ZMYM2: variants seen among roughly 807,000 people sequenced by gnomAD.
ZMYM2 encodes the protein zinc finger MYM-type protein 2.
In ZMYM2, 56 loss-of-function variants were observed where a neutral mutation model predicts 162.8. The ratio of observed to expected loss-of-function variants is 0.34; its 90% CI spans 0.28 to 0.43. The LOEUF (loss-of-function observed/expected upper bound fraction) is 0.43. ZMYM2 is among the 20% of genes least tolerant of loss of function. ZMYM2 has a pLI of 1.00. For synonymous variants in ZMYM2, 510 were observed against 541.6 expected, an observed-to-expected ratio of 0.94 and a Z score of 0.81; for missense variants, 1,275 against 1,621.8, an observed-to-expected ratio of 0.79 and a Z score of 3.67.
At chr13:20,031,297 T>G (rs1376605523) in intron 9 of ZMYM2, 22 bp from the exon 10 acceptor site, 5 of 1,529,012 alleles carry the variant, frequency 3.3e-6, no homozygotes, top group Non-Finnish European at 4.5e-6. Flanking sequence ...TCAGGCTTAG[T>G]ATCTTTTGTT....
intron 12 of ZMYM2, among the ~76,000 whole-genome samples, chr13:20,049,974 A>G (rs953377679): frequency 3.9e-5 from 6 of 152,030 alleles, no homozygotes; most frequent in African/African-American, 1.4e-4. Flanking sequence ...GAACAATTCT[A>G]TGGTTATTTC....
chr13:19,895,484 C>T, the ZMYM2 span, among the ~76,000 whole-genome samples: 8 of 151,860 alleles, frequency 5.3e-5, no homozygotes, highest in African/African-American at 1.9e-4. Flanking sequence ...TGAGGGCCTT[C>T]CCGCTGTGGG....
In ZMYM2 at chr13:20,051,253, G is replaced by GCATCTTTTTTTTTTTTTTTTTTT. The variant is rs369364385; in HGVS notation, c.2293-180_2293-179insCATCTTTTTTTTTTTTTTTTTTT. 1.8e-4 allele frequency among the ~76,000 whole-genome samples: 13 copies of GCATCTTTTTTTTTTTTTTTTTTT among 74,210 alleles called. 4 individuals are homozygous for GCATCTTTTTTTTTTTTTTTTTTT. Among genetic ancestry groups the GCATCTTTTTTTTTTTTTTTTTTT allele is most frequent in the South Asian group, 1.3e-3 (2 of 1,574 alleles). The allele number at this position is 74,210 out of a possible 152,430, so 48.7% of individuals were successfully genotyped here. On this transcript the variant is annotated intron_variant, in intron 12 of 24. Coordinates refer to ENST00000610343, the MANE Select transcript of ZMYM2 (RefSeq NM_197968.4). ...GATGGACTTTGTCAACTGTGAAATT[G>GCATCTTTTTTTTTTTTTTTTTTT]TATTTTTTTTTTTTTTTTTCATTTA...
At chr13:19,893,069 A>G in the ZMYM2 span, among the ~76,000 whole-genome samples, 2 of 151,710 alleles carry the variant, frequency 1.3e-5, no homozygotes, top group African/African-American at 2.4e-5. Flanking sequence ...AAATATTTAT[A>G]GTTGTATAGT....
At chr13:19,878,615 G>A in the ZMYM2 span, among the ~76,000 whole-genome samples, 219 of 146,344 alleles carry the variant, frequency 1.5e-3, no homozygotes, top group Middle Eastern at 7.7e-3. Flanking sequence ...TCTGCCTCCC[G>A]GGTTCAAGTG....
chr13:19,998,763 A>G (rs1413508945), intron 3 of ZMYM2, among the ~76,000 whole-genome samples: 1 of 152,200 alleles, frequency 6.6e-6, no homozygotes, highest in Non-Finnish European at 1.5e-5. Context: ...GGTTGATGGA[A>G]TGGGTCAGAA....
At chr13:19,890,302 G>A in the ZMYM2 span, among the ~76,000 whole-genome samples, 1 of 151,518 alleles carries the variant, frequency 6.6e-6, no homozygotes, top group Non-Finnish European at 1.5e-5. Flanking sequence ...GAGTAGCTGG[G>A]ACTACTTGAG....
At chr13:19,866,529 G>A in the ZMYM2 span, among the ~76,000 whole-genome samples, 2 of 151,848 alleles carry the variant, frequency 1.3e-5, no homozygotes, top group African/African-American at 4.8e-5. Flanking sequence ...GCCGGGCGTG[G>A]TGGCGCATGC....
intron 2 of ZMYM2, among the ~76,000 whole-genome samples, chr13:19,987,548 G>A (rs1389253404): frequency 6.8e-6 from 1 of 147,680 alleles, no homozygotes; most frequent in African/African-American, 2.5e-5. Flanking sequence ...CAGGCGTGAG[G>A]CACCGCACCC....
chr13:19,922,845 A>AAAAAC, the ZMYM2 span, among the ~76,000 whole-genome samples: 9 of 152,162 alleles, frequency 5.9e-5, no homozygotes, highest in East Asian at 1.9e-4. Context: ...CTCCGTCTCA[A>AAAAAC]AAAACAAAAC....
At chr13:19,926,471 C>T in the ZMYM2 span, among the ~76,000 whole-genome samples, 1 of 148,952 alleles carries the variant, frequency 6.7e-6, no homozygotes, top group African/African-American at 2.5e-5. Flanking sequence ...TCAAGTGATT[C>T]TCCTGCCTTA....
the ZMYM2 span, among the ~76,000 whole-genome samples, chr13:19,893,471 C>T: frequency 2.0e-5 from 3 of 151,960 alleles, no homozygotes; most frequent in Non-Finnish European, 4.4e-5. Context: ...GGCACGGTGG[C>T]TCACGCCTGT....
chr13:19,886,372 C>G, the ZMYM2 span, among the ~76,000 whole-genome samples: 2 of 151,594 alleles, frequency 1.3e-5, no homozygotes, highest in Non-Finnish European at 1.5e-5. Context: ...CCATGTTGGT[C>G]AGGCTGGTCT....
chr13:20,000,166 A>G (rs1950288670), intron 3 of ZMYM2, among the ~76,000 whole-genome samples: 1 of 152,160 alleles, frequency 6.6e-6, no homozygotes, highest in African/African-American at 2.4e-5. Context: ...ACCAACTATG[A>G]CATTTCCTTA....
At chr13:19,984,465 C>G (rs1261978203) in intron 2 of ZMYM2, among the ~76,000 whole-genome samples, 4 of 152,174 alleles carry the variant, frequency 2.6e-5, no homozygotes, top group Admixed American at 6.5e-5. Flanking sequence ...AAGTGGTTTT[C>G]ACATCCAGTT....
intron 14 of ZMYM2, among the ~76,000 whole-genome samples, chr13:20,053,595 T>A (rs1428178522): frequency 1.3e-5 from 2 of 152,130 alleles, no homozygotes; most frequent in Non-Finnish European, 2.9e-5. Flanking sequence ...GAGGTTGCAG[T>A]GAGCCAAGAT....
chr13:19,912,605 A>T, the ZMYM2 span, among the ~76,000 whole-genome samples: 2 of 152,102 alleles, frequency 1.3e-5, no homozygotes, highest in Non-Finnish European at 2.9e-5. Flanking sequence ...AAGGGCTGGG[A>T]TTACAGGCAT....
chr13:19,885,697 A>G, the ZMYM2 span, among the ~76,000 whole-genome samples: 1 of 151,536 alleles, frequency 6.6e-6, no homozygotes, highest in African/African-American at 2.4e-5. Context: ...AATTTACAAA[A>G]TTTAGCTGGA....
the ZMYM2 span, among the ~76,000 whole-genome samples, chr13:19,901,780 T>A: frequency 6.6e-6 from 1 of 151,920 alleles, no homozygotes; most frequent in Admixed American, 6.6e-5. Context: ...TGGCCCAACT[T>A]TTTTTAAAAA....
Sources: allele counts gnomAD v4.1 joint callset (sites outside exome capture counted in the v4.1 genomes callset), GRCh38; gene constraint gnomAD v4.1.1; transcripts MANE v1.5; gene names NCBI Gene and HGNC (gene_info 2026-07-23, HGNC 2026-07-21).